Variants in RND1 observed in about 807,000 individuals in gnomAD.
RND1 encodes the protein rho-related GTP-binding protein Rho6.
RND1 carries 9 observed loss-of-function variants against 27.1 expected under a neutral mutation model. That is an observed-to-expected ratio of 0.33 (90% CI 0.20 to 0.58). The LOEUF is 0.58. RND1 is among the 20% of genes least tolerant of loss of function. The probability of loss-of-function intolerance (pLI) is 0.86; values close to 1 mark genes in which losing one functional copy is unlikely to be tolerated. For missense variants in RND1, 253 were observed against 292.2 expected (o/e 0.87, Z 0.98); for synonymous variants, 108 against 115.7 (o/e 0.93, Z 0.43).
chr12:48,862,224 A>T, intron 2 of RND1, 106 bp from the exon 3 acceptor site: 1 of 654,074 alleles, frequency 1.5e-6, no homozygotes, highest in Non-Finnish European at 2.7e-6. Context: ...CTGAGGATCC[A>T]CCCATCTCCC....
At position 48,865,103 on chromosome 12, in the gene RND1, C is replaced by A. The variant is rs1938970205; in HGVS notation, c.121-233G>T. Among the ~76,000 whole-genome samples, 3 of 152,100 alleles carry A rather than the reference C, an allele frequency of 2.0e-5. No homozygotes were observed. In the South Asian group the frequency reaches 6.2e-4, roughly 32 times the overall value. On this transcript the variant is annotated intron_variant, in intron 1 of 4. Transcript: ENST00000309739. Reference sequence around the variant, plus strand: ...ACCACCACACCAGGGGTAAGCCCCCCATATCCTAGGCGATCAGGGACACAC... The same window carrying A: ...ACCACCACACCAGGGGTAAGCCCCCAATATCCTAGGCGATCAGGGACACAC...
intron 2 of RND1, among the ~76,000 whole-genome samples, chr12:48,862,464 GGCTT>G (rs1938930503): frequency 6.6e-6 from 1 of 152,064 alleles, no homozygotes; most frequent in Admixed American, 6.6e-5. Flanking sequence ...CTTATTTCAG[GGCTT>G]CTCTCTTCTA....
chr12:48,857,954 A>G lies in RND1; in HGVS notation c.*42T>C, dbSNP rs761225096. 1 of 1,550,730 alleles carries G rather than the reference A, an allele frequency of 6.4e-7. No homozygotes were observed. The highest frequency in any genetic ancestry group is 1.3e-5 in the South Asian group (1 of 79,234). ...CCTCTCCCCGTGCCTCTGCACCCCA[A>G]GGGAGGAAGTAGGGGGTTGTCTCCC... On this transcript the variant is annotated 3_prime_UTR_variant, in exon 5 of 5. Transcript: ENST00000309739.
rs748951632 is a variant in RND1 at position 48,861,021 on chromosome 12, C to T, written c.429G>A (p.Lys143=). Reference sequence around the variant, plus strand: ...CCTGCTCATAGGAGATGGGCGCCTGCTTCTGGTGGGACAGCTCCATCAGAG... The same window carrying T: ...CCTGCTCATAGGAGATGGGCGCCTGTTTCTGGTGGGACAGCTCCATCAGAG... ...LSTLMELSHQ[K]QAPISYEQGC... The change falls in exon 4 of 5, where the codon AAG becomes AAA. Residue 143 remains lysine (K), a synonymous_variant. Coordinates refer to ENST00000309739, the MANE Select transcript of RND1 (RefSeq NM_014470.4). 3.1e-6 allele frequency: 5 copies of T among 1,613,876 alleles called. No homozygotes were observed. Among genetic ancestry groups the T allele is most frequent in the Admixed American group, 1.7e-5 (1 of 60,032 alleles).
At chr12:48,858,966 T>A (rs1456357938) in intron 4 of RND1, 1 of 147,924 alleles carries the variant, frequency 6.8e-6, no homozygotes. Context: ...TCTTTTCTTT[T>A]TTTTTTTTTT....
intron 4 of RND1, 149 bp from the exon 5 acceptor site, chr12:48,858,390 T>A: frequency 1.1e-4 from 13 of 119,678 alleles, no homozygotes; most frequent in South Asian, 2.2e-4. Flanking sequence ...TTATCTTTTC[T>A]TTTTTTTTTT....
At chr12:48,865,552 G>C in intron 1 of RND1, 96 bp downstream of exon 1, 8 of 1,419,438 alleles carry the variant, frequency 5.6e-6, no homozygotes, top group Non-Finnish European at 7.7e-6. Flanking sequence ...GGATGGGCTG[G>C]GGCTGGGGGA....
intron 4 of RND1, 69 bp from the exon 5 acceptor site, chr12:48,858,310 A>C (rs1592209286): frequency 6.4e-7 from 1 of 1,553,394 alleles, no homozygotes; most frequent in South Asian, 1.2e-5. Context: ...TCTGTGCGTC[A>C]CTCCCCAGGG....
At chr12:48,859,839 T>C (rs1283204285) in intron 4 of RND1, among the ~76,000 whole-genome samples, 2 of 152,142 alleles carry the variant, frequency 1.3e-5, no homozygotes, top group Non-Finnish European at 2.9e-5. Flanking sequence ...AAACAACTAT[T>C]GTGCCACTGC....
rs57360089 is a variant in RND1, at chr12:48,864,416, TGC to T, written c.208+365_208+366del. Among the ~76,000 whole-genome samples, 145 of 135,538 alleles carry T rather than the reference TGC, an allele frequency of 1.1e-3. 1 individual carries two copies. Among genetic ancestry groups the T allele is most frequent in the Middle Eastern group, 7.6e-3 (2 of 264 alleles). 88.9% of individuals were successfully genotyped at this position (135,538 alleles called of 152,430 possible). A position where few individuals can be genotyped will look rare whatever the true frequency, so the allele number is the denominator to read the frequency against. ...GTGTGTGTGTGTGTGTGTGTGTGTG[TGC>T]GCGCGCGCGCGTGTGTGTGCATGTG... On this transcript the variant is annotated intron_variant, in intron 2 of 4. Coordinates refer to ENST00000309739, the MANE Select transcript of RND1 (RefSeq NM_014470.4).
At chr12:48,863,381 G>T (rs1478513855) in intron 2 of RND1, among the ~76,000 whole-genome samples, 2 of 152,034 alleles carry the variant, frequency 1.3e-5, no homozygotes, top group Non-Finnish European at 2.9e-5. Flanking sequence ...CCATGATCTG[G>T]TTTGGGATTT....
At chr12:48,861,802 G>A (rs532850627) in intron 3 of RND1, among the ~76,000 whole-genome samples, 1 of 152,324 alleles carries the variant, frequency 6.6e-6, no homozygotes, top group Non-Finnish European at 1.5e-5. Context: ...AAGGCAGCAT[G>A]GGATAACAAA....
intron 2 of RND1, among the ~76,000 whole-genome samples, chr12:48,862,497 A>G (rs1181034272): frequency 6.6e-6 from 1 of 151,996 alleles, no homozygotes; most frequent in Non-Finnish European, 1.5e-5. Flanking sequence ...CTGCTGCCCA[A>G]CTTCACTCCC....
rs1938861079 is a variant in RND1 at position 48,857,641 on chromosome 12, T to C, written c.*355A>G. On this transcript the variant is annotated 3_prime_UTR_variant, in exon 5 of 5. Transcript: ENST00000309739. ...TCCCCTGACCTGCATGGAAACGCTG[T>C]GTGGAAGAGGCATGAAGCTGAAGGT... 5.7e-6 allele frequency: 1 copy of C among 175,806 alleles called. No individual in the cohort carries two copies. The highest frequency in any genetic ancestry group is 1.2e-5 in the Non-Finnish European group (1 of 83,630). 10.9% of individuals were successfully genotyped at this position (175,806 alleles called of 1,614,324 possible). A position where few individuals can be genotyped will look rare whatever the true frequency, so the allele number is the denominator to read the frequency against.
intron 4 of RND1, among the ~76,000 whole-genome samples, chr12:48,860,077 C>CTTTT (rs36016980): frequency 1.6e-5 from 2 of 122,748 alleles, no homozygotes; most frequent in Non-Finnish European, 3.4e-5. Context: ...CACACCTGGC[C>CTTTT]TTTTTTTTTT....
chr12:48,862,624 G>A (rs910735731), intron 2 of RND1, among the ~76,000 whole-genome samples: 1 of 152,220 alleles, frequency 6.6e-6, no homozygotes, highest in South Asian at 2.1e-4. Context: ...AGAATCAAGG[G>A]TTCAGTGCCC....
rs773871104 is a variant in RND1 at position 48,865,737 on chromosome 12, C to T, written c.31G>A (p.Val11Met). 1 of 1,610,096 alleles carries T rather than the reference C, an allele frequency of 6.2e-7. No homozygotes were observed. The change falls in exon 1 of 5, where the codon GTG becomes ATG. Residue 11 changes from valine (V) to methionine (M), a missense_variant. Coordinates refer to ENST00000309739, the MANE Select transcript of RND1 (RefSeq NM_014470.4). The stretch of plus-strand genomic sequence containing the variant: ...ACCAGAACGAGCTTACATCTGGCCA[C>T]GACTGGCTGGGGGGCCCGTCTCTCC... MKERRAPQPV[V>M]ARCKLVLVGD... is the part of the protein sequence containing the mutation.
At chr12:48,865,097 G>GC (rs1410957638) in intron 1 of RND1, among the ~76,000 whole-genome samples, 2 of 151,974 alleles carry the variant, frequency 1.3e-5, no homozygotes, top group Non-Finnish European at 2.9e-5. Context: ...CCAGGGGTAA[G>GC]CCCCCCATAT....
chr12:48,865,796 C>G lies in RND1; in HGVS notation c.-29G>C, dbSNP rs112107341. 40 of 1,562,368 alleles carry G rather than the reference C, an allele frequency of 2.6e-5. No homozygotes were observed. The African/African-American group carries it at 4.0e-4, about 16-fold the overall frequency. On this transcript the variant is annotated 5_prime_UTR_variant, in exon 1 of 5. Transcript: ENST00000309739. ...TGCAGTGTCCGCGGGACTTGAACTT[C>G]GATTCAGAAGGGAGGGTTGCGCCAG...
Sources: gnomAD v4.1 joint callset for allele counts (sites outside exome capture counted in the v4.1 genomes callset) on GRCh38, gnomAD v4.1.1 for gene constraint, MANE v1.5 for transcripts, NCBI Gene and HGNC (gene_info 2026-07-23, HGNC 2026-07-21) for gene names.